The following BMP4 variants were observed in gnomAD, a reference collection of about 807,000 sequenced individuals.
BMP4 encodes the protein bone morphogenetic protein 2B.
A neutral mutation model predicts 29.6 loss-of-function variants in BMP4; 3 were observed. The ratio of observed to expected loss-of-function variants is 0.10; its 90% CI spans 0.05 to 0.26. The LOEUF (loss-of-function observed/expected upper bound fraction) is 0.26. Among genes scored for constraint, BMP4 ranks in the 10% least tolerant of loss-of-function variants. The pLI is 1.00. For missense variants in BMP4, 455 were observed against 550.2 expected, an observed-to-expected ratio of 0.83 and a Z score of 1.73; for synonymous variants, 197 against 213.2, an observed-to-expected ratio of 0.92 and a Z score of 0.66.
Position 53,950,782 on chromosome 14 carries a change from C to G in BMP4, c.477G>C (p.Arg159=). The G allele has an allele frequency of 6.2e-7, 1 of 1,613,574 alleles. No homozygotes were observed. The highest frequency in any genetic ancestry group is 8.5e-7 in the Non-Finnish European group (1 of 1,180,004). The change falls in exon 4 of 4, where the codon CGG becomes CGC. Residue 159 remains arginine (R), a synonymous_variant. Transcript: ENST00000245451. The surrounding 1 kb of genome is among the most constrained non-coding windows in gnomAD (Gnocchi z 5.4). ...ENEVISSAEL[R]LFREQVDQGP... Reference sequence around the variant, plus strand: ...CCTGGTCCACCTGCTCCCGGAAGAGCCGAAGCTCTGCAGAGGAGATCACCT... The same window carrying G: ...CCTGGTCCACCTGCTCCCGGAAGAGGCGAAGCTCTGCAGAGGAGATCACCT...
rs147931520 is a variant in BMP4, at chr14:53,951,959, C to G, written c.264G>C (p.Arg88=). The G allele has an allele frequency of 6.2e-7, 1 of 1,610,902 alleles. No homozygotes were observed. The highest frequency in any genetic ancestry group is 8.5e-7 in the Non-Finnish European group (1 of 1,180,018). The part of the protein sequence containing the change: ...VIPDYMRDLY[R]LQSGEEEEEQ... ...CTTCCTCCTCCTCCCCAGACTGAAG[C>G]CGGTAAAGATCCCGCATGTAGTCCG... Residue 88 remains arginine, a synonymous_variant, in exon 3 of 4, where the codon CGG becomes CGC. Coordinates refer to ENST00000245451, the MANE Select transcript of BMP4 (RefSeq NM_001202.6).
Position 53,949,857 on chromosome 14 carries a change from C to T in BMP4, c.*175G>A. 1 of 670,678 alleles carries T rather than the reference C, an allele frequency of 1.5e-6. No homozygotes were observed. Among genetic ancestry groups the T allele is most frequent in the Non-Finnish European group, 2.4e-6 (1 of 415,836 alleles). 41.5% of individuals were successfully genotyped at this position (670,678 alleles called of 1,614,324 possible). A position where few individuals can be genotyped will look rare whatever the true frequency, so the allele number is the denominator to read the frequency against. On this transcript the variant is annotated 3_prime_UTR_variant, in exon 4 of 4. Coordinates refer to ENST00000245451, the MANE Select transcript of BMP4 (RefSeq NM_001202.6). ...TTGCACGTAAAGTCATAAATAAGGTCAAGGTGAATGTTTAGGGATTTTTTC... is the reference window on the plus strand; with the variant it reads ...TTGCACGTAAAGTCATAAATAAGGTTAAGGTGAATGTTTAGGGATTTTTTC...
rs1419663545 is a variant in BMP4 at position 53,954,049 on chromosome 14, C to T, written c.-132-649G>A. On this transcript the variant is annotated intron_variant, in intron 1 of 3. Transcript: ENST00000245451. The surrounding 1 kb of genome is among the most constrained non-coding windows in gnomAD (Gnocchi z 4.8). ...ACCCCTTGGCGAACGCCTGCTAAGG[C>T]TCCGAAGAGCCGGGCCACCGATCTA... 6.6e-6 allele frequency among the ~76,000 whole-genome samples: 1 copy of T among 151,912 alleles called. No individual in the cohort carries two copies. Among genetic ancestry groups the T allele is most frequent in the Non-Finnish European group, 1.5e-5 (1 of 67,960 alleles).
chr14:53,953,639 G>A (rs939212381), intron 1 of BMP4, among the ~76,000 whole-genome samples: 1 of 151,656 alleles, frequency 6.6e-6, no homozygotes, highest in Non-Finnish European at 1.5e-5. Flanking sequence ...GGCGGCGCTC[G>A]GCAGAGCCCT....
At position 53,955,531 on chromosome 14, in the gene BMP4, C is replaced by T. The variant is rs1447527234; in HGVS notation, c.-133+1019G>A. 6.6e-6 allele frequency: 1 copy of T among 152,250 alleles called. No individual in the cohort carries two copies. The highest frequency in any genetic ancestry group is 1.5e-5 in the Non-Finnish European group (1 of 68,066). 9.4% of individuals were successfully genotyped at this position (152,250 alleles called of 1,614,324 possible). On this transcript the variant is annotated intron_variant, in intron 1 of 3. Transcript: ENST00000245451. This position sits in a 1 kb window ranked among gnomAD's most constrained non-coding sequence, Gnocchi z 4.0. Reference sequence around the variant, plus strand: ...CTCGGGGTGGTTGTCCTTCACTTCCCTACTCGAATCTTCTCCTAATGCCGA... The same window carrying T: ...CTCGGGGTGGTTGTCCTTCACTTCCTTACTCGAATCTTCTCCTAATGCCGA...
rs1417794324 is a variant in BMP4 at position 53,951,928 on chromosome 14, T to C, written c.295A>G (p.Ile99Val). ...GGATACTCAAGACCAGTGCTGTGGA[T>C]CTGCTCTTCCTCCTCCTCCCCAGAC... ...LQSGEEEEEQ[I>V]HSTGLEYPER... The change falls in exon 3 of 4, where the codon ATC becomes GTC. Residue 99 changes from isoleucine to valine, a missense_variant. By Grantham distance (29) the Ile-to-Val change is conservative. Coordinates refer to ENST00000245451, the MANE Select transcript of BMP4 (RefSeq NM_001202.6). 1.2e-6 allele frequency: 2 copies of C among 1,605,994 alleles called. No individual in the cohort carries two copies. Among genetic ancestry groups the C allele is most frequent in the Non-Finnish European group, 1.7e-6 (2 of 1,179,962 alleles).
intron 3 of BMP4, 75 bp downstream of exon 3, chr14:53,951,778 T>C (rs757977627): frequency 3.5e-5 from 54 of 1,563,492 alleles, no homozygotes; most frequent in Admixed American, 2.3e-4. Context: ...CGAACTCTTC[T>C]TCCCCAGGGC....
Position 53,950,935 on chromosome 14 carries a change from T to C in BMP4, c.371-47A>G. Reference sequence around the variant, plus strand: ...GGGGAAAAGAAAAAGCATATGAACTTTTTTCAAAGATGGAAGAGTCAAGAG... The same window carrying C: ...GGGGAAAAGAAAAAGCATATGAACTCTTTTCAAAGATGGAAGAGTCAAGAG... On this transcript the variant is annotated intron_variant, in intron 3 of 3. Transcript: ENST00000245451. The surrounding 1 kb of genome is among the most constrained non-coding windows in gnomAD (Gnocchi z 5.4). 6.3e-7 allele frequency: 1 copy of C among 1,597,468 alleles called. No individual in the cohort carries two copies. Among genetic ancestry groups the C allele is most frequent in the Non-Finnish European group, 8.5e-7 (1 of 1,179,230 alleles).
Position 53,956,731 on chromosome 14 carries a change from C to T in BMP4, c.-314G>A, listed in dbSNP as rs1340875355. Reference sequence around the variant, plus strand: ...GAGCAGCAGCGGCGTCTCAGGCTCGCGTCCCTCAGCTCGGATGCCACACTC... The same window carrying T: ...GAGCAGCAGCGGCGTCTCAGGCTCGTGTCCCTCAGCTCGGATGCCACACTC... On this transcript the variant is annotated 5_prime_UTR_variant, in exon 1 of 4. Transcript: ENST00000245451. The T allele has an allele frequency of 1.5e-5, 6 of 399,134 alleles. No individual in the cohort carries two copies. The highest frequency in any genetic ancestry group is 8.8e-5 in the Admixed American group (2 of 22,714). The allele number at this position is 399,134 out of a possible 1,614,324, so 24.7% of individuals were successfully genotyped here.
At position 53,954,140 on chromosome 14, in the gene BMP4, G is replaced by A. The variant is rs1021281980; in HGVS notation, c.-132-740C>T. Among the ~76,000 whole-genome samples, 1 of 152,118 alleles carries A rather than the reference G, an allele frequency of 6.6e-6. No homozygotes were observed. Among genetic ancestry groups the A allele is most frequent in the Non-Finnish European group, 1.5e-5 (1 of 68,012 alleles). On this transcript the variant is annotated intron_variant, in intron 1 of 3. Transcript: ENST00000245451. This position sits in a 1 kb window ranked among gnomAD's most constrained non-coding sequence, Gnocchi z 4.8. ...CGGGAATGGGAGGGAGGGTGTTAGAGGGTGATCGCTGTGGGAAAGTGAGAG... is the reference window on the plus strand; with the variant it reads ...CGGGAATGGGAGGGAGGGTGTTAGAAGGTGATCGCTGTGGGAAAGTGAGAG...
rs750732284 is a variant in BMP4 at position 53,950,218 on chromosome 14, G to A, written c.1041C>T (p.Asp347=). The stretch of plus-strand genomic sequence containing the variant: ...TGGCATGGTTGGTTGAGTTGAGGTG[G>A]TCAGCCAGTGGAAAGGGGCAGTCCC... ...CHGDCPFPLA[D]HLNSTNHAIV... The change falls in exon 4 of 4, where the codon GAC becomes GAT. Residue 347 remains aspartate, a synonymous_variant. Transcript: ENST00000245451. This position sits in a 1 kb window ranked among gnomAD's most constrained non-coding sequence, Gnocchi z 5.4. 2 of 1,614,234 alleles carry A rather than the reference G, an allele frequency of 1.2e-6. No homozygotes were observed. Among genetic ancestry groups the A allele is most frequent in the South Asian group, 1.1e-5 (1 of 91,090 alleles).
chr14:53,951,189 C>T (rs1456611416), intron 3 of BMP4, among the ~76,000 whole-genome samples: 1 of 152,174 alleles, frequency 6.6e-6, no homozygotes, highest in Non-Finnish European at 1.5e-5. Flanking sequence ...CACAATCAGA[C>T]TCCTCTTTTA....
Position 53,955,289 on chromosome 14 carries a change from C to T in BMP4, c.-133+1261G>A, listed in dbSNP as rs1219852717. Among the ~76,000 whole-genome samples the T allele has an allele frequency of 1.5e-5, 2 of 134,644 alleles. No homozygotes were observed. The highest frequency in any genetic ancestry group is 6.0e-5 in the African/African-American group (2 of 33,090). 88.3% of individuals were successfully genotyped at this position (134,644 alleles called of 152,430 possible). A position where few individuals can be genotyped will look rare whatever the true frequency, so the allele number is the denominator to read the frequency against. On this transcript the variant is annotated intron_variant, in intron 1 of 3. Transcript: ENST00000245451. This position sits in a 1 kb window ranked among gnomAD's most constrained non-coding sequence, Gnocchi z 4.0. ...AGTAGAAGGGGCGGGCGCCCGGGTTCCCCGGAAAACCCTCGGCCCCAAGGA... is the reference window on the plus strand; with the variant it reads ...AGTAGAAGGGGCGGGCGCCCGGGTTTCCCGGAAAACCCTCGGCCCCAAGGA...
intron 2 of BMP4, among the ~76,000 whole-genome samples, chr14:53,952,749 G>C (rs1259135102): frequency 6.6e-6 from 1 of 152,200 alleles, no homozygotes; most frequent in Non-Finnish European, 1.5e-5. Context: ...GGCGAAGACA[G>C]AGGGCGACAG....
rs1174000212 is a variant in BMP4, at chr14:53,955,431, A to C, written c.-133+1119T>G. 1 of 152,164 alleles carries C rather than the reference A, an allele frequency of 6.6e-6. No homozygotes were observed. Among genetic ancestry groups the C allele is most frequent in the African/African-American group, 2.4e-5 (1 of 41,450 alleles). The allele number at this position is 152,164 out of a possible 1,614,324, so 9.4% of individuals were successfully genotyped here. ...ATCTCTAGTCACATTTTTCTTCTCA[A>C]ATTTTTAAATCGAAAAGATAAAAGC... On this transcript the variant is annotated intron_variant, in intron 1 of 3. Coordinates refer to ENST00000245451, the MANE Select transcript of BMP4 (RefSeq NM_001202.6). The surrounding 1 kb of genome is among the most constrained non-coding windows in gnomAD (Gnocchi z 4.0).
chr14:53,951,131 C>T (rs1024104333), intron 3 of BMP4, among the ~76,000 whole-genome samples: 1 of 152,178 alleles, frequency 6.6e-6, no homozygotes, highest in African/African-American at 2.4e-5. Context: ...TATATCCAGC[C>T]TCCTTGATAT....
chr14:53,949,780 C>G lies in BMP4; in HGVS notation c.*252G>C. ...CTCATTTTATTTTTTTCTTTTAATACGTAGTTATAAATATATTTTGTCAAA... is the reference window on the plus strand; with the variant it reads ...CTCATTTTATTTTTTTCTTTTAATAGGTAGTTATAAATATATTTTGTCAAA... On this transcript the variant is annotated 3_prime_UTR_variant, in exon 4 of 4. Transcript: ENST00000245451. 1 of 388,036 alleles carries G rather than the reference C, an allele frequency of 2.6e-6. No homozygotes were observed. Among genetic ancestry groups the G allele is most frequent in the Non-Finnish European group, 4.6e-6 (1 of 219,260 alleles). The allele number at this position is 388,036 out of a possible 1,614,324, so 24.0% of individuals were successfully genotyped here.
rs930421421 is a variant in BMP4, at chr14:53,950,467, A to G, written c.792T>C (p.Asn264=). The G allele has an allele frequency of 1.2e-6, 2 of 1,614,032 alleles. No individual in the cohort carries two copies. Among genetic ancestry groups the G allele is most frequent in the Non-Finnish European group, 1.7e-6 (2 of 1,180,028 alleles). Residue 264 remains asparagine, a synonymous_variant, in exon 4 of 4, where the codon AAT becomes AAC. Coordinates refer to ENST00000245451, the MANE Select transcript of BMP4 (RefSeq NM_001202.6). This position sits in a 1 kb window ranked among gnomAD's most constrained non-coding sequence, Gnocchi z 5.4. The part of the protein sequence containing the change: ...ISRSLPQGSG[N]WAQLRPLLVT... ...CCAGGAGGGGCCGGAGCTGGGCCCA[A>G]TTCCCACTCCCTTGAGGTAACGATC...
At chr14:53,953,931 C>A (rs913696123) in intron 1 of BMP4, among the ~76,000 whole-genome samples, 23 of 151,486 alleles carry the variant, frequency 1.5e-4, no homozygotes, top group East Asian at 3.9e-4. Context: ...ACACACACAC[C>A]CCCCCACACA....
Sources: gnomAD v4.1 joint callset for allele counts (sites outside exome capture counted in the v4.1 genomes callset) on GRCh38, gnomAD v4.1.1 for gene constraint, Gnocchi (gnomAD v3.1) non-coding constraint, MANE v1.5 for transcripts, NCBI Gene and HGNC (gene_info 2026-07-23, HGNC 2026-07-21) for gene names.